The following UNC5C variants were observed in gnomAD, a reference collection of about 807,000 sequenced individuals.
UNC5C encodes the protein unc-5 netrin receptor C.
A neutral mutation model predicts 99.8 loss-of-function variants in UNC5C; 47 were observed. The observed-to-expected ratio is 0.47, with a 90% CI of 0.37 to 0.60. The LOEUF is 0.60. UNC5C is among the 20% of genes least tolerant of loss of function. UNC5C has a pLI of 0.00. For synonymous variants in UNC5C, 487 were observed against 452.2 expected, an observed-to-expected ratio of 1.08 and a Z score of -0.98; for missense variants, 1,062 against 1,165.9, an observed-to-expected ratio of 0.91 and a Z score of 1.30.
chr4:95,434,738 T>C (rs974984774), intron 1 of UNC5C, among the ~76,000 whole-genome samples: 2 of 152,018 alleles, frequency 1.3e-5, no homozygotes, highest in African/African-American at 4.8e-5. Context: ...ATTATCTTTC[T>C]CCGCATTGGT....
chr4:95,282,991 G>C (rs1741115401), intron 3 of UNC5C, among the ~76,000 whole-genome samples: 1 of 152,080 alleles, frequency 6.6e-6, no homozygotes, highest in South Asian at 2.1e-4. Context: ...GGCAGGAGAA[G>C]GTCAGAGAAA....
chr4:95,422,612 G>T (rs141058040), intron 1 of UNC5C, among the ~76,000 whole-genome samples: 3 of 152,100 alleles, frequency 2.0e-5, no homozygotes, highest in East Asian at 1.9e-4. Flanking sequence ...AACATCCGTC[G>T]CCTCAACCTT....
At chr4:95,306,289 G>A (rs1280213673) in intron 2 of UNC5C, among the ~76,000 whole-genome samples, 1 of 152,036 alleles carries the variant, frequency 6.6e-6, no homozygotes. Context: ...TGCAAGCTCT[G>A]CCTCCCGGGT....
At chr4:95,375,218 T>G (rs1744857954) in intron 1 of UNC5C, among the ~76,000 whole-genome samples, 1 of 149,882 alleles carries the variant, frequency 6.7e-6, no homozygotes. Flanking sequence ...ATAATAGGAG[T>G]TCAGAATCAC....
At chr4:95,184,415 C>G (rs1470722631) in intron 13 of UNC5C, among the ~76,000 whole-genome samples, 1 of 152,092 alleles carries the variant, frequency 6.6e-6, no homozygotes, top group East Asian at 1.9e-4. Flanking sequence ...ATATGTCTGC[C>G]CCTCCTAGGA....
intron 3 of UNC5C, among the ~76,000 whole-genome samples, chr4:95,288,157 A>G (rs1394134563): frequency 6.6e-6 from 1 of 151,898 alleles, no homozygotes; most frequent in Non-Finnish European, 1.5e-5. Context: ...ACCTCTGCTC[A>G]CTGAAAACTC....
intron 12 of UNC5C, among the ~76,000 whole-genome samples, chr4:95,187,677 C>A (rs1261970376): frequency 6.6e-6 from 1 of 152,168 alleles, no homozygotes; most frequent in Non-Finnish European, 1.5e-5. Flanking sequence ...GAAGAATTCT[C>A]CCTAGTGGGG....
intron 4 of UNC5C, among the ~76,000 whole-genome samples, chr4:95,252,207 C>A (rs981275006): frequency 6.6e-6 from 1 of 152,120 alleles, no homozygotes; most frequent in African/African-American, 2.4e-5. Context: ...GAAGGTGGCA[C>A]AATTTATACT....
chr4:95,517,108 C>T (rs951400520), intron 1 of UNC5C, among the ~76,000 whole-genome samples: 1 of 152,094 alleles, frequency 6.6e-6, no homozygotes, highest in Non-Finnish European at 1.5e-5. Flanking sequence ...AATGTCATAG[C>T]ATATGAACCG....
chr4:95,260,339 A>G (rs1281306438), intron 4 of UNC5C, among the ~76,000 whole-genome samples: 1 of 152,188 alleles, frequency 6.6e-6, no homozygotes, highest in Non-Finnish European at 1.5e-5. Context: ...TTAAACTTAA[A>G]CAGCCAATTG....
chr4:95,418,161 G>A (rs1234556397), intron 1 of UNC5C, among the ~76,000 whole-genome samples: 1 of 152,164 alleles, frequency 6.6e-6, no homozygotes, highest in African/African-American at 2.4e-5. Flanking sequence ...CTCCACTTAG[G>A]TGAAGGAGCA....
intron 1 of UNC5C, among the ~76,000 whole-genome samples, chr4:95,442,526 C>A (rs778221366): frequency 6.7e-6 from 1 of 150,032 alleles, no homozygotes; most frequent in South Asian, 2.1e-4. Flanking sequence ...GAGATGGAGT[C>A]GTGCTATGTT....
intron 1 of UNC5C, among the ~76,000 whole-genome samples, chr4:95,488,972 T>C (rs1721404110): frequency 6.6e-6 from 1 of 151,526 alleles, no homozygotes; most frequent in African/African-American, 2.4e-5. Flanking sequence ...ATTTATTCTC[T>C]GCTATGTTAA....
intron 12 of UNC5C, among the ~76,000 whole-genome samples, chr4:95,187,921 C>G (rs1488214443): frequency 6.6e-6 from 1 of 152,130 alleles, no homozygotes; most frequent in Admixed American, 6.5e-5. Flanking sequence ...CAGGACACAC[C>G]CATGCTTAGA....
At chr4:95,261,707 C>A (rs534432034) in intron 4 of UNC5C, among the ~76,000 whole-genome samples, 17 of 115,008 alleles carry the variant, frequency 1.5e-4, no homozygotes, top group Non-Finnish European at 2.5e-4. Context: ...CATATGAATT[C>A]CTTTTTTTTT....
At position 95,464,884 on chromosome 4, in the gene UNC5C, C is replaced by T. The variant is rs115919986; in HGVS notation, c.124+83850G>A. Among the ~76,000 whole-genome samples, 1,512 of 152,178 alleles carry T rather than the reference C, an allele frequency of 9.9e-3. 19 individuals carry two copies. Among genetic ancestry groups the T allele is most frequent in the African/African-American group, 0.034 (1,421 of 41,520 alleles). ...TTAGAACATTTACTAGTTTTTAGAA[C>T]GGTATTAGGTGCTACATTTTCACTT... On this transcript the variant is annotated intron_variant, in intron 1 of 15. Coordinates refer to ENST00000453304, the MANE Select transcript of UNC5C (RefSeq NM_003728.4).
chr4:95,465,542 C>A (rs1454078671), intron 1 of UNC5C, among the ~76,000 whole-genome samples: 2 of 152,022 alleles, frequency 1.3e-5, no homozygotes, highest in African/African-American at 2.4e-5. Flanking sequence ...AGGAAGAAAG[C>A]CAAATAGTCT....
chr4:95,173,738 G>C (rs976390007), intron 14 of UNC5C, among the ~76,000 whole-genome samples: 6 of 152,142 alleles, frequency 3.9e-5, no homozygotes, highest in African/African-American at 9.7e-5. Context: ...TTTGGTATCA[G>C]GATGATGCTA....
chr4:95,220,313 A>G (rs1470801116), intron 7 of UNC5C, 137 bp from the exon 8 acceptor site: 2 of 902,328 alleles, frequency 2.2e-6, no homozygotes, highest in Non-Finnish European at 3.2e-6. Flanking sequence ...AAGCTATATA[A>G]AATGGCTGTG....
Sources: gnomAD v4.1 joint callset for allele counts (sites outside exome capture counted in the v4.1 genomes callset) on GRCh38, gnomAD v4.1.1 for gene constraint, MANE v1.5 for transcripts, NCBI Gene and HGNC (gene_info 2026-07-23, HGNC 2026-07-21) for gene names.